NOPCHAP1: variants seen among roughly 807,000 people sequenced by gnomAD.
NOPCHAP1 encodes the protein NOP protein chaperone 1, also known as DNA damage-sensitive RNA 1.
Under a neutral mutation model 14.0 loss-of-function variants are expected in NOPCHAP1, and 13 were observed. The ratio of observed to expected loss-of-function variants is 0.93; its 90% CI spans 0.60 to 1.47. NOPCHAP1 has a LOEUF of 1.47. Among genes scored for constraint, NOPCHAP1 ranks in the 40% most tolerant of loss-of-function variants. The pLI is 0.00. For synonymous variants in NOPCHAP1, 78 were observed against 78.4 expected (o/e 1.00, Z 0.03); for missense variants, 230 against 226.9 (o/e 1.01, Z -0.09).
At position 105,007,815 on chromosome 12, in the gene NOPCHAP1, G is replaced by C. The variant is rs1725033305; in HGVS notation, c.*13119G>C. 6.6e-6 allele frequency: 1 copy of C among 152,192 alleles called. No individual in the cohort carries two copies. The highest frequency in any genetic ancestry group is 6.5e-5 in the Admixed American group (1 of 15,274). 9.4% of individuals were successfully genotyped at this position (152,192 alleles called of 1,614,324 possible). On this transcript the variant is annotated 3_prime_UTR_variant, in exon 4 of 4. Transcript: ENST00000552951. Reference sequence around the variant, plus strand: ...AATGATGGTTTCCTGCTTCATCCCTGTCCCTGCAAAGGACATGAACTCATC... The same window carrying C: ...AATGATGGTTTCCTGCTTCATCCCTCTCCCTGCAAAGGACATGAACTCATC...
rs1308950745 is a variant in NOPCHAP1 at position 104,986,331 on chromosome 12, A to G, written c.-22A>G. 11 of 1,585,338 alleles carry G rather than the reference A, an allele frequency of 6.9e-6. No homozygotes were observed. In the East Asian group the frequency reaches 2.3e-4, roughly 33 times the overall value. ...AGCCTTTTTCCTGCATCCGGGCCTGAGAGTGCAGGCTTGAGGGAAGCATGG... is the reference window on the plus strand; with the variant it reads ...AGCCTTTTTCCTGCATCCGGGCCTGGGAGTGCAGGCTTGAGGGAAGCATGG... On this transcript the variant is annotated 5_prime_UTR_variant, in exon 1 of 4. Transcript: ENST00000552951.
At position 105,002,434 on chromosome 12, in the gene NOPCHAP1, C is replaced by T. The variant is rs552006473; in HGVS notation, c.*7738C>T. 6.6e-6 allele frequency: 1 copy of T among 152,240 alleles called. No homozygotes were observed. The highest frequency in any genetic ancestry group is 6.5e-5 in the Admixed American group (1 of 15,302). The allele number at this position is 152,240 out of a possible 1,614,324, so 9.4% of individuals were successfully genotyped here. A position where few individuals can be genotyped will look rare whatever the true frequency, so the allele number is the denominator to read the frequency against. On this transcript the variant is annotated 3_prime_UTR_variant, in exon 4 of 4. Coordinates refer to ENST00000552951, the MANE Select transcript of NOPCHAP1 (RefSeq NM_152318.3). ...CTGTTTCAGGCACTGCCAGAAGTAT[C>T]CCTTGGTGTATTGGAACCTGGAATG... is the stretch of plus-strand genomic sequence containing the variant.
Position 105,004,116 on chromosome 12 carries a change from A to G in NOPCHAP1, c.*9420A>G, listed in dbSNP as rs1386693005. ...GAGAAACCAGAGCTAGTTTTTAAAG[A>G]GTTGGGATATATAGCATTTGGATGT... On this transcript the variant is annotated 3_prime_UTR_variant, in exon 4 of 4. Coordinates refer to ENST00000552951, the MANE Select transcript of NOPCHAP1 (RefSeq NM_152318.3). The G allele has an allele frequency of 6.6e-6, 1 of 152,192 alleles. No individual in the cohort carries two copies. The highest frequency in any genetic ancestry group is 1.9e-4 in the East Asian group (1 of 5,200). The allele number at this position is 152,192 out of a possible 1,614,324, so 9.4% of individuals were successfully genotyped here.
At chr12:104,988,137 T>C in intron 1 of NOPCHAP1, 30 bp from the exon 2 acceptor site, 1 of 1,523,066 alleles carries the variant, frequency 6.6e-7, no homozygotes, top group Non-Finnish European at 9.1e-7. Context: ...CTGTAGTAAA[T>C]TAAGGGTGTT....
At chr12:104,991,394 A>G (rs1417996610) in intron 2 of NOPCHAP1, among the ~76,000 whole-genome samples, 1 of 152,244 alleles carries the variant, frequency 6.6e-6, no homozygotes, top group African/African-American at 2.4e-5. Context: ...CGTACCCTAA[A>G]GCCTCAGAAC....
Position 105,008,853 on chromosome 12 carries a change from GGTGCCAGTACTGT to G in NOPCHAP1, c.*14159_*14171del, listed in dbSNP as rs1873758653. 2 of 152,082 alleles carry G rather than the reference GGTGCCAGTACTGT, an allele frequency of 1.3e-5. No individual in the cohort carries two copies. Among genetic ancestry groups the G allele is most frequent in the Non-Finnish European group, 2.9e-5 (2 of 67,996 alleles). 9.4% of individuals were successfully genotyped at this position (152,082 alleles called of 1,614,324 possible). On this transcript the variant is annotated 3_prime_UTR_variant, in exon 4 of 4. Coordinates refer to ENST00000552951, the MANE Select transcript of NOPCHAP1 (RefSeq NM_152318.3). ...TTCTGTTGGCCTGTATATCTCTTTT[GGTGCCAGTACTGT>G]GCTGTTTTGGTTACTATAGCCTTGT...
In NOPCHAP1 at chr12:105,016,633, C is replaced by T. The variant is rs960732522; in HGVS notation, c.*21937C>T. 2.6e-5 allele frequency: 4 copies of T among 152,096 alleles called. No homozygotes were observed. The highest frequency in any genetic ancestry group is 5.9e-5 in the Non-Finnish European group (4 of 68,046). 9.4% of individuals were successfully genotyped at this position (152,096 alleles called of 1,614,324 possible). A position where few individuals can be genotyped will look rare whatever the true frequency, so the allele number is the denominator to read the frequency against. On this transcript the variant is annotated 3_prime_UTR_variant, in exon 4 of 4. Coordinates refer to ENST00000552951, the MANE Select transcript of NOPCHAP1 (RefSeq NM_152318.3). ...CAAGAGAGCTTGTGTAGGGGAGCTC[C>T]CCTTTATAAAACCATCAGACCTGGT...
At position 105,007,191 on chromosome 12, in the gene NOPCHAP1, A is replaced by C. The variant is rs1386874619; in HGVS notation, c.*12495A>C. Reference sequence around the variant, plus strand: ...GAGAGTCTGTAGCCTTTTTGATAGCAATCCTGTACCCACATAAAAGCTGCA... The same window carrying C: ...GAGAGTCTGTAGCCTTTTTGATAGCCATCCTGTACCCACATAAAAGCTGCA... On this transcript the variant is annotated 3_prime_UTR_variant, in exon 4 of 4. Transcript: ENST00000552951. 1 of 152,140 alleles carries C rather than the reference A, an allele frequency of 6.6e-6. No individual in the cohort carries two copies. The highest frequency in any genetic ancestry group is 1.5e-5 in the Non-Finnish European group (1 of 68,022). 9.4% of individuals were successfully genotyped at this position (152,140 alleles called of 1,614,324 possible). A position where few individuals can be genotyped will look rare whatever the true frequency, so the allele number is the denominator to read the frequency against.
chr12:104,997,238 A>G lies in NOPCHAP1; in HGVS notation c.*2542A>G, dbSNP rs1383093626. On this transcript the variant is annotated 3_prime_UTR_variant, in exon 4 of 4. Coordinates refer to ENST00000552951, the MANE Select transcript of NOPCHAP1 (RefSeq NM_152318.3). ...CGGCTGGTAACCCAGTCTTTCCTTT[A>G]TATAGTTAGCACTCCCTTCCAAAAC... 8 of 152,128 alleles carry G rather than the reference A, an allele frequency of 5.3e-5. No homozygotes were observed. Among genetic ancestry groups the G allele is most frequent in the African/African-American group, 1.9e-4 (8 of 41,424 alleles). The allele number at this position is 152,128 out of a possible 1,614,324, so 9.4% of individuals were successfully genotyped here.
At chr12:104,993,852 A>G (rs993002313) in intron 3 of NOPCHAP1, among the ~76,000 whole-genome samples, 7 of 151,986 alleles carry the variant, frequency 4.6e-5, no homozygotes, top group Non-Finnish European at 1.0e-4. Flanking sequence ...TGATTTTTTT[A>G]TTGTTATTGA....
chr12:104,988,896 T>G (rs1873312876), intron 2 of NOPCHAP1, among the ~76,000 whole-genome samples: 2 of 152,184 alleles, frequency 1.3e-5, no homozygotes, highest in Non-Finnish European at 1.5e-5. Flanking sequence ...CTACAATAGC[T>G]GAAATGACCA....
In NOPCHAP1 at chr12:104,991,257, G is replaced by A. The variant is rs1036712839; in HGVS notation, c.203-455G>A. 5.3e-5 allele frequency among the ~76,000 whole-genome samples: 8 copies of A among 152,182 alleles called. No individual in the cohort carries two copies. In the South Asian group the frequency reaches 1.2e-3, roughly 24 times the overall value. ...AGAGTGACACAAGCTTAAAAGGAAA[G>A]CCAGGGTTATATTATCAGAAGAAAG... On this transcript the variant is annotated intron_variant, in intron 2 of 3. Transcript: ENST00000552951.
At chr12:104,993,798 C>G (rs1873433751) in intron 3 of NOPCHAP1, among the ~76,000 whole-genome samples, 1 of 152,104 alleles carries the variant, frequency 6.6e-6, no homozygotes, top group Non-Finnish European at 1.5e-5. Context: ...ATTTACTGGT[C>G]TCTGCCTGAA....
Position 104,986,416 on chromosome 12 carries a change from G to C in NOPCHAP1, c.64G>C (p.Gly22Arg), listed in dbSNP as rs1355986071. ...SCSSPTRDSSGVPVSKELLTA... is the reference protein window; with the variant it reads ...SCSSPTRDSSRVPVSKELLTA... ...TTCGTCGCCCACCCGGGATTCCTCA[G>C]GAGTCCCAGTGTCCAAGGAGCTGCT... is the stretch of plus-strand genomic sequence containing the variant. The change falls in exon 1 of 4, where the codon GGA (glycine) becomes CGA (arginine). Residue 22 changes from glycine to arginine, a missense_variant. Gly to Arg is a moderately radical substitution (Grantham distance 125). Transcript: ENST00000552951. 2 of 1,611,856 alleles carry C rather than the reference G, an allele frequency of 1.2e-6. No individual in the cohort carries two copies. Among genetic ancestry groups the C allele is most frequent in the South Asian group, 1.1e-5 (1 of 90,516 alleles).
intron 1 of NOPCHAP1, among the ~76,000 whole-genome samples, chr12:104,986,683 C>T (rs1873245263): frequency 6.6e-6 from 1 of 152,142 alleles, no homozygotes; most frequent in African/African-American, 2.4e-5. Flanking sequence ...GTTTCCCCAG[C>T]TAGTGGTTCT....
chr12:104,991,932 A>G (rs1873386461), intron 3 of NOPCHAP1, 84 bp downstream of exon 3: 14 of 1,464,302 alleles, frequency 9.6e-6, no homozygotes, highest in Admixed American at 2.6e-5. Context: ...TTTATTTTCA[A>G]GTTTTCATTT....
At position 104,987,796 on chromosome 12, in the gene NOPCHAP1, C is replaced by G. The variant is rs564980590; in HGVS notation, c.116-371C>G. Reference sequence around the variant, plus strand: ...AGATCAGGTAAGTTGCCCAGTGTTACACAACTAGTAACCATTTCTGGCTTC... The same window carrying G: ...AGATCAGGTAAGTTGCCCAGTGTTAGACAACTAGTAACCATTTCTGGCTTC... On this transcript the variant is annotated intron_variant, in intron 1 of 3. Transcript: ENST00000552951. Among the ~76,000 whole-genome samples, 62 of 152,306 alleles carry G rather than the reference C, an allele frequency of 4.1e-4. 2 individuals are homozygous for G. The highest frequency in any genetic ancestry group is 1.5e-3 in the African/African-American group (61 of 41,558).
rs1873594239 is a variant in NOPCHAP1 at position 105,000,843 on chromosome 12, C to A, written c.*6147C>A. On this transcript the variant is annotated 3_prime_UTR_variant, in exon 4 of 4. Coordinates refer to ENST00000552951, the MANE Select transcript of NOPCHAP1 (RefSeq NM_152318.3). ...TTTGGCATAATACATTAAGGCCTTG[C>A]AGTATTTAGTCATGTCAGTTTACAG... 1 of 151,678 alleles carries A rather than the reference C, an allele frequency of 6.6e-6. No individual in the cohort carries two copies. The highest frequency in any genetic ancestry group is 2.1e-4 in the South Asian group (1 of 4,770). 9.4% of individuals were successfully genotyped at this position (151,678 alleles called of 1,614,324 possible).
Position 105,013,762 on chromosome 12 carries a change from G to C in NOPCHAP1, c.*19066G>C, listed in dbSNP as rs1278295819. On this transcript the variant is annotated 3_prime_UTR_variant, in exon 4 of 4. Coordinates refer to ENST00000552951, the MANE Select transcript of NOPCHAP1 (RefSeq NM_152318.3). ...TTCCCTGGCTTCCCTTGGCTTCCCT[G>C]GGCTAGGGGAGGGAGTTCCCTAACG... The C allele has an allele frequency of 6.6e-6, 1 of 152,464 alleles. No homozygotes were observed. The allele number at this position is 152,464 out of a possible 1,614,324, so 9.4% of individuals were successfully genotyped here.
Sources: allele counts gnomAD v4.1 joint callset (sites outside exome capture counted in the v4.1 genomes callset), GRCh38; gene constraint gnomAD v4.1.1; transcripts MANE v1.5; gene names NCBI Gene and HGNC (gene_info 2026-07-23, HGNC 2026-07-21).